Variants in PPP1R12B observed in about 807,000 individuals in gnomAD.
PPP1R12B encodes protein phosphatase 1 regulatory subunit 12B.
Under a neutral mutation model 126.1 loss-of-function variants are expected in PPP1R12B, and 76 were observed. The ratio of observed to expected loss-of-function variants is 0.60; its 90% CI spans 0.50 to 0.73. The LOEUF (loss-of-function observed/expected upper bound fraction) is 0.73. PPP1R12B is among the 30% of genes least tolerant of loss of function. The pLI is 0.00. For synonymous variants in PPP1R12B, 356 were observed against 434.7 expected (o/e 0.82, Z 2.25); for missense variants, 1,052 against 1,205.1 (o/e 0.87, Z 1.88).
rs1288586745 is a variant in PPP1R12B, at chr1:202,372,973, C to T, written c.291+23831C>T. Reference sequence around the variant, plus strand: ...TTTGTAAGATGGAGTCTTGCTCTGTCACCCAGGCTGGAGTACACTGGCACT... The same window carrying T: ...TTTGTAAGATGGAGTCTTGCTCTGTTACCCAGGCTGGAGTACACTGGCACT... On this transcript the variant is annotated intron_variant, in intron 1 of 23. Transcript: ENST00000608999. 2.6e-5 allele frequency among the ~76,000 whole-genome samples: 4 copies of T among 151,790 alleles called. No homozygotes were observed. The East Asian group carries it at 7.7e-4, about 29-fold the overall frequency.
intron 1 of PPP1R12B, among the ~76,000 whole-genome samples, chr1:202,368,617 A>G (rs1659698666): frequency 6.6e-6 from 1 of 151,962 alleles, no homozygotes; most frequent in Non-Finnish European, 1.5e-5. Context: ...CCACTGTTAT[A>G]ATTTCTATCA....
At chr1:202,555,584 G>A (rs1446098114) in intron 18 of PPP1R12B, among the ~76,000 whole-genome samples, 8 of 151,906 alleles carry the variant, frequency 5.3e-5, no homozygotes, top group Non-Finnish European at 4.4e-5. Context: ...GGAGAAATGA[G>A]CTCCTAGTTC....
intron 1 of PPP1R12B, among the ~76,000 whole-genome samples, chr1:202,381,553 G>C (rs913975719): frequency 5.3e-5 from 8 of 152,014 alleles, no homozygotes; most frequent in Non-Finnish European, 8.8e-5. Context: ...ATTTCCATCA[G>C]TGTTTTTCCT....
chr1:202,496,729 A>C, intron 17 of PPP1R12B, 52 bp from the exon 18 acceptor site: 1 of 1,532,722 alleles, frequency 6.5e-7, no homozygotes, highest in African/African-American at 1.4e-5. Context: ...TGTTGCTTTC[A>C]AGGATGTCTG....
intron 13 of PPP1R12B, among the ~76,000 whole-genome samples, chr1:202,472,884 C>T (rs970160990): frequency 7.2e-5 from 11 of 152,188 alleles, no homozygotes; most frequent in African/African-American, 2.7e-4. Context: ...AGTCACACAG[C>T]CTTGCCTATT....
At chr1:202,433,123 T>C (rs1007868007) in intron 8 of PPP1R12B, among the ~76,000 whole-genome samples, 2 of 152,228 alleles carry the variant, frequency 1.3e-5, no homozygotes, top group Admixed American at 6.5e-5. Context: ...TCATGCACAG[T>C]ATGCTCCGGA....
At chr1:202,355,635 A>G (rs1656935731) in intron 1 of PPP1R12B, among the ~76,000 whole-genome samples, 1 of 152,140 alleles carries the variant, frequency 6.6e-6, no homozygotes, top group Non-Finnish European at 1.5e-5. Context: ...TTAGTAGAGA[A>G]TTTTTGTGGG....
intron 18 of PPP1R12B, among the ~76,000 whole-genome samples, chr1:202,510,029 G>C (rs551477134): frequency 6.6e-6 from 1 of 152,272 alleles, no homozygotes; most frequent in Admixed American, 6.5e-5. Context: ...GAGAATAAAT[G>C]TTCACACAGA....
chr1:202,387,457 A>G (rs1188672238), intron 1 of PPP1R12B, among the ~76,000 whole-genome samples: 1 of 152,178 alleles, frequency 6.6e-6, no homozygotes. Context: ...GTATACTGCT[A>G]TTTCAGGTTC....
intron 1 of PPP1R12B, among the ~76,000 whole-genome samples, chr1:202,375,315 G>C (rs1661001556): frequency 1.3e-5 from 2 of 152,178 alleles, no homozygotes; most frequent in Non-Finnish European, 2.9e-5. Flanking sequence ...TCTTTCAGTG[G>C]TTGTCATTGC....
At chr1:202,458,168 T>C (rs1673884310) in intron 13 of PPP1R12B, among the ~76,000 whole-genome samples, 1 of 149,792 alleles carries the variant, frequency 6.7e-6, no homozygotes, top group African/African-American at 2.5e-5. Context: ...TGGAGAAACT[T>C]TGGAAATTGT....
intron 2 of PPP1R12B, among the ~76,000 whole-genome samples, chr1:202,418,729 C>G (rs1163244053): frequency 6.6e-6 from 1 of 151,876 alleles, no homozygotes; most frequent in Non-Finnish European, 1.5e-5. Flanking sequence ...TTTTATTTTT[C>G]ACTATACATA....
chr1:202,548,800 CTCTCTCTCTATATATA>C (rs1374056125), intron 18 of PPP1R12B, among the ~76,000 whole-genome samples: 22 of 104,736 alleles, frequency 2.1e-4, no homozygotes, highest in African/African-American at 6.6e-4. Context: ...CTCTCTCTCT[CTCTCTCTCTATATATA>C]TATATATATA....
intron 1 of PPP1R12B, among the ~76,000 whole-genome samples, chr1:202,389,844 T>C (rs1663831948): frequency 1.3e-5 from 2 of 151,354 alleles, no homozygotes. Flanking sequence ...GGAGAATTGC[T>C]TGAGCCTGGG....
chr1:202,576,016 G>A (rs1689061098), intron 23 of PPP1R12B: 1 of 152,188 alleles, frequency 6.6e-6, no homozygotes, highest in Admixed American at 6.5e-5. Context: ...CCCACCTTAG[G>A]AGGCATATCT....
chr1:202,496,261 C>T (rs576412613), intron 17 of PPP1R12B, among the ~76,000 whole-genome samples: 3 of 152,310 alleles, frequency 2.0e-5, no homozygotes, highest in Admixed American at 1.3e-4. Context: ...TCAGTAGTTC[C>T]ATTCATCCTC....
chr1:202,446,258 T>TTTTTTTC (rs1558238412), intron 12 of PPP1R12B, among the ~76,000 whole-genome samples: 35 of 107,054 alleles, frequency 3.3e-4, no homozygotes, highest in African/African-American at 1.1e-3. Flanking sequence ...ATATATATAT[T>TTTTTTTC]TTTTTTTTTT....
chr1:202,471,808 T>C, intron 13 of PPP1R12B: 2 of 1,100,868 alleles, frequency 1.8e-6, no homozygotes, highest in South Asian at 3.3e-5. Flanking sequence ...TTTTTTTTTT[T>C]ATCCAAAATG....
intron 18 of PPP1R12B, among the ~76,000 whole-genome samples, chr1:202,514,476 G>A (rs1681882254): frequency 6.6e-6 from 1 of 152,090 alleles, no homozygotes; most frequent in African/African-American, 2.4e-5. Flanking sequence ...GATTGCTTTT[G>A]GTGTCCTCGT....
Sources: allele counts gnomAD v4.1 joint callset (sites outside exome capture counted in the v4.1 genomes callset), GRCh38; gene constraint gnomAD v4.1.1; transcripts MANE v1.5; gene names NCBI Gene and HGNC (gene_info 2026-07-23, HGNC 2026-07-21).